ADAMTSL1: variants seen among roughly 807,000 people sequenced by gnomAD.
ADAMTSL1 encodes the protein ADAMTS like 1.
ADAMTSL1 carries 126 observed loss-of-function variants against 201.8 expected under a neutral mutation model. The ratio of observed to expected loss-of-function variants is 0.62; its 90% CI spans 0.54 to 0.72. The LOEUF (loss-of-function observed/expected upper bound fraction) is 0.72. Ranked by LOEUF, ADAMTSL1 falls within the 30% of genes least tolerant of loss-of-function variation. ADAMTSL1 has a pLI of 0.00. For missense variants in ADAMTSL1, 2,679 were observed against 2,277.8 expected (o/e 1.18, Z -3.59); for synonymous variants, 1,121 against 903.4 (o/e 1.24, Z -4.32).
chr9:18,000,133 C>A (rs1013408501), intron 1 of ADAMTSL1, among the ~76,000 whole-genome samples: 1 of 150,422 alleles, frequency 6.6e-6, no homozygotes, highest in South Asian at 2.1e-4. Flanking sequence ...AATGGGATGG[C>A]TGGGTCAAAT....
At position 18,509,170 on chromosome 9, in the gene ADAMTSL1, G is replaced by C. The variant is rs1221783936; in HGVS notation, c.191+4214G>C. Among the ~76,000 whole-genome samples the C allele has an allele frequency of 4.4e-5, 3 of 68,890 alleles. 1 individual carries two copies. Among genetic ancestry groups the C allele is most frequent in the Non-Finnish European group, 7.8e-5 (3 of 38,490 alleles). 45.2% of individuals were successfully genotyped at this position (68,890 alleles called of 152,430 possible). On this transcript the variant is annotated intron_variant, in intron 2 of 28. Transcript: ENST00000380548. ...CTGCAGTCCGCAGTCCGGCCTGGGC[G>C]ACAGAGCGAGACTCCGTCTCAAAAA...
intron 1 of ADAMTSL1, among the ~76,000 whole-genome samples, chr9:17,957,694 G>A (rs1471755023): frequency 2.0e-5 from 3 of 152,152 alleles, no homozygotes; most frequent in African/African-American, 7.2e-5. Flanking sequence ...AATTGTGAAT[G>A]TAATACTGAA....
intron 23 of ADAMTSL1, among the ~76,000 whole-genome samples, chr9:18,873,854 G>A (rs1198194165): frequency 6.6e-6 from 1 of 152,028 alleles, no homozygotes; most frequent in Non-Finnish European, 1.5e-5. Context: ...TATCTTGATG[G>A]GAATTGCATT....
At chr9:18,154,750 G>T (rs1827075500) in intron 1 of ADAMTSL1, among the ~76,000 whole-genome samples, 2 of 152,210 alleles carry the variant, frequency 1.3e-5, no homozygotes, top group Admixed American at 6.5e-5. Context: ...GCTGCCATTT[G>T]TGTGAAGTAC....
chr9:18,686,772 T>G (rs980881782), intron 13 of ADAMTSL1, among the ~76,000 whole-genome samples: 1 of 152,210 alleles, frequency 6.6e-6, no homozygotes, highest in African/African-American at 2.4e-5. Context: ...CATCTTCCCA[T>G]TATTAGATGC....
intron 13 of ADAMTSL1, among the ~76,000 whole-genome samples, chr9:18,700,242 A>T (rs1024149323): frequency 6.6e-6 from 1 of 152,202 alleles, no homozygotes; most frequent in African/African-American, 2.4e-5. Flanking sequence ...GATTCAATTG[A>T]AGAGTTTCCC....
rs530181138 is a variant in ADAMTSL1 at position 17,920,168 on chromosome 9, C to G, written c.87+13246C>G. Among the ~76,000 whole-genome samples the G allele has an allele frequency of 6.6e-5, 10 of 152,238 alleles. No homozygotes were observed. The South Asian group carries it at 1.7e-3, about 25-fold the overall frequency. ...GTTCTTAATTTATGTAACTGTTACT[C>G]TTTTCCTCCAGTGCTACTGAATACC... is the stretch of plus-strand genomic sequence containing the variant. On this transcript the variant is annotated intron_variant, in intron 1 of 29. Transcript: ENST00000680146.
intron 2 of ADAMTSL1, among the ~76,000 whole-genome samples, chr9:18,508,445 A>G (rs1369356457): frequency 6.6e-6 from 1 of 152,198 alleles, no homozygotes; most frequent in South Asian, 2.1e-4. Flanking sequence ...AGTCTCCTCC[A>G]TATATAGTTT....
chr9:18,772,593 C>T (rs1820759018), intron 17 of ADAMTSL1, among the ~76,000 whole-genome samples: 1 of 152,096 alleles, frequency 6.6e-6, no homozygotes, highest in African/African-American at 2.4e-5. Flanking sequence ...CTTTAGGTTG[C>T]TTATCTGTAT....
intron 2 of ADAMTSL1, among the ~76,000 whole-genome samples, chr9:18,227,774 T>C (rs185185238): frequency 4.3e-4 from 65 of 152,314 alleles, no homozygotes; most frequent in Middle Eastern, 3.4e-3. Flanking sequence ...TAGTGCCTCA[T>C]ATGGTATTAT....
chr9:18,215,282 CTGAAAATA>C (rs1171979423), intron 2 of ADAMTSL1, among the ~76,000 whole-genome samples: 1 of 151,860 alleles, frequency 6.6e-6, no homozygotes, highest in Non-Finnish European at 1.5e-5. Flanking sequence ...ATTGAAAATA[CTGAAAATA>C]ATCTAACAAC....
intron 1 of ADAMTSL1, among the ~76,000 whole-genome samples, chr9:17,951,288 G>A (rs1827718637): frequency 6.6e-6 from 1 of 152,162 alleles, no homozygotes; most frequent in Non-Finnish European, 1.5e-5. Flanking sequence ...TGCTTCAGGG[G>A]CGATTTTTGT....
At chr9:18,859,984 G>C (rs141417739) in intron 23 of ADAMTSL1, among the ~76,000 whole-genome samples, 1 of 152,078 alleles carries the variant, frequency 6.6e-6, no homozygotes, top group Non-Finnish European at 1.5e-5. Flanking sequence ...CAAGAAAATT[G>C]TCCAAGATTT....
At chr9:18,153,517 T>C (rs1827013489) in intron 1 of ADAMTSL1, among the ~76,000 whole-genome samples, 2 of 152,036 alleles carry the variant, frequency 1.3e-5, no homozygotes, top group Admixed American at 6.6e-5. Context: ...ATAGCAGTAG[T>C]CCTAATCTGT....
intron 13 of ADAMTSL1, among the ~76,000 whole-genome samples, chr9:18,688,623 T>G (rs2507118): frequency 4.1e-5 from 5 of 122,452 alleles, no homozygotes; most frequent in Non-Finnish European, 6.6e-5. Context: ...AGCTGAGATC[T>G]TGCCACCAAA....
intron 2 of ADAMTSL1, among the ~76,000 whole-genome samples, chr9:18,247,886 T>C (rs1409645625): frequency 6.6e-6 from 1 of 151,910 alleles, no homozygotes. Flanking sequence ...TATGTATATA[T>C]ATGGATTGGA....
intron 21 of ADAMTSL1, 168 bp from the exon 22 acceptor site, chr9:18,826,116 A>T: frequency 1.4e-6 from 1 of 734,224 alleles, no homozygotes; most frequent in Non-Finnish European, 2.3e-6. Context: ...CTATATCCTT[A>T]TCCTACCAGG....
At chr9:18,791,644 G>A (rs1032791808) in intron 19 of ADAMTSL1, among the ~76,000 whole-genome samples, 2 of 152,134 alleles carry the variant, frequency 1.3e-5, no homozygotes, top group South Asian at 4.1e-4. Flanking sequence ...ACTTTTATAA[G>A]TATACACAAT....
rs115844262 is a variant in ADAMTSL1 at position 18,013,772 on chromosome 9, T to C, written c.87+106850T>C. On this transcript the variant is annotated intron_variant, in intron 1 of 29. Coordinates refer to the ADAMTSL1 transcript ENST00000680146. ...AATTTAAAAAGTTGGAAGGTAAGCA[T>C]TTAATTGTAACTATACAAAGCATGG... Among the ~76,000 whole-genome samples, 713 of 152,116 alleles carry C rather than the reference T, an allele frequency of 4.7e-3. 3 individuals are homozygous for C. Among genetic ancestry groups the C allele is most frequent in the African/African-American group, 0.016 (681 of 41,524 alleles).
Sources: allele counts gnomAD v4.1 joint callset (sites outside exome capture counted in the v4.1 genomes callset), GRCh38; gene constraint gnomAD v4.1.1; transcripts MANE v1.5; gene names NCBI Gene and HGNC (gene_info 2026-07-23, HGNC 2026-07-21).